Variants in MLLT10 observed in about 807,000 individuals in gnomAD.
MLLT10 encodes protein AF-10.
MLLT10 carries 30 observed loss-of-function variants against 129.1 expected under a neutral mutation model. The observed-to-expected ratio is 0.23, with a 90% CI of 0.17 to 0.32. The LOEUF (loss-of-function observed/expected upper bound fraction) is 0.32. Among genes scored for constraint, MLLT10 ranks in the 10% least tolerant of loss-of-function variants. The pLI, the probability that MLLT10 is intolerant of heterozygous loss-of-function variation, is 1.00. For synonymous variants in MLLT10, 490 were observed against 446.4 expected (o/e 1.10, Z -1.23); for missense variants, 1,119 against 1,268.3 (o/e 0.88, Z 1.79).
chr10:21,697,099 CAA>C (rs1163740638), intron 13 of MLLT10, among the ~76,000 whole-genome samples: 12 of 82,658 alleles, frequency 1.5e-4, no homozygotes, highest in East Asian at 3.9e-4. Context: ...CTGATTTAAG[CAA>C]AAAAAAAAAA....
chr10:21,683,694 C>G (rs1050769607), intron 13 of MLLT10, among the ~76,000 whole-genome samples: 10 of 151,974 alleles, frequency 6.6e-5, no homozygotes, highest in African/African-American at 2.4e-4. Context: ...TTCTCTCCCC[C>G]ACTGCCCCAT....
intron 8 of MLLT10, among the ~76,000 whole-genome samples, chr10:21,618,736 C>T (rs1018969800): frequency 1.3e-5 from 2 of 150,882 alleles, no homozygotes; most frequent in African/African-American, 2.4e-5. Context: ...TGGGTTCAAA[C>T]GATTCTCGTG....
intron 9 of MLLT10, among the ~76,000 whole-genome samples, chr10:21,668,486 T>G (rs2051064815): frequency 6.6e-6 from 1 of 152,164 alleles, no homozygotes; most frequent in South Asian, 2.1e-4. Flanking sequence ...TTAGTGTCAT[T>G]ATGTGTAATT....
rs1290717912 is a variant in MLLT10 at position 21,534,822 on chromosome 10, C to T, written c.160+18C>T. On this transcript the variant is annotated intron_variant, in intron 2 of 22. Transcript: ENST00000307729. ...GCATCAAGGTAAACACCCAACCGCC[C>T]GCCGGGGCGCGCCGGCCTGCGCCCA... 6.4e-7 allele frequency: 1 copy of T among 1,561,304 alleles called. No individual in the cohort carries two copies. Among genetic ancestry groups the T allele is most frequent in the Non-Finnish European group, 8.7e-7 (1 of 1,153,346 alleles).
At chr10:21,614,994 TA>T in intron 7 of MLLT10, 70 bp downstream of exon 7, 12 of 1,292,952 alleles carry the variant, frequency 9.3e-6, no homozygotes, top group South Asian at 1.4e-5. Context: ...ACTGTTTTAT[TA>T]AAAAAAGCAT....
chr10:21,566,795 T>TA (rs1489749236), intron 3 of MLLT10, among the ~76,000 whole-genome samples: 4 of 152,096 alleles, frequency 2.6e-5, no homozygotes, highest in African/African-American at 9.7e-5. Context: ...ATGGTTTGGA[T>TA]ATTTGTTCCA....
At chr10:21,740,977 G>T (rs1234222803) in intron 22 of MLLT10, among the ~76,000 whole-genome samples, 1 of 152,220 alleles carries the variant, frequency 6.6e-6, no homozygotes, top group East Asian at 1.9e-4. Context: ...AAAGGAAGAA[G>T]GGAGGGACTG....
chr10:21,547,161 C>T (rs1028901896), intron 3 of MLLT10, among the ~76,000 whole-genome samples: 1 of 151,988 alleles, frequency 6.6e-6, no homozygotes, highest in Non-Finnish European at 1.5e-5. Flanking sequence ...TGAGCCACCC[C>T]GCCTGACCCC....
chr10:21,615,074 A>T, intron 7 of MLLT10, 150 bp downstream of exon 7: 2 of 606,906 alleles, frequency 3.3e-6, no homozygotes, highest in Non-Finnish European at 5.6e-6. Context: ...TTGGAAGTAA[A>T]TAGATCTGTT....
Position 21,673,536 on chromosome 10 carries a change from G to T in MLLT10, c.1238G>T (p.Ser413Ile), listed in dbSNP as rs757703158. Residue 413 changes from serine (S) to isoleucine (I), a missense_variant, in exon 11 of 23, where the codon AGT (serine) becomes ATT (isoleucine). This residue lies in a region of MLLT10 where 1,004 missense variants were observed against 1,008.7 expected (regional missense o/e 1.00). Transcript: ENST00000307729. ...ESGSQEGGVN[S>I]FSTLIGLPST... Reference sequence around the variant, plus strand: ...GGAAGCCAGGAAGGGGGGGTAAATAGTTTTAGTACCTTAATTGGCCTCCCT... The same window carrying T: ...GGAAGCCAGGAAGGGGGGGTAAATATTTTTAGTACCTTAATTGGCCTCCCT... 1 of 1,613,372 alleles carries T rather than the reference G, an allele frequency of 6.2e-7. No individual in the cohort carries two copies. Among genetic ancestry groups the T allele is most frequent in the Non-Finnish European group, 8.5e-7 (1 of 1,179,780 alleles).
At chr10:21,717,561 T>TTCTTCC (rs1209051989) in intron 14 of MLLT10, among the ~76,000 whole-genome samples, 1 of 125,726 alleles carries the variant, frequency 8.0e-6, no homozygotes, top group Non-Finnish European at 1.6e-5. Flanking sequence ...TTCTTCTTCT[T>TTCTTCC]TCTTCCTCTT....
At chr10:21,717,915 CCTTCTCCTTCTT>C (rs1468099423) in intron 14 of MLLT10, among the ~76,000 whole-genome samples, 6 of 145,334 alleles carry the variant, frequency 4.1e-5, no homozygotes, top group Admixed American at 2.1e-4. Context: ...TCCTCCTTCT[CCTTCTCCTTCTT>C]CTTCTCCTTC....
chr10:21,585,007 T>C (rs1449056027), intron 3 of MLLT10, among the ~76,000 whole-genome samples: 3 of 151,970 alleles, frequency 2.0e-5, no homozygotes, highest in Non-Finnish European at 4.4e-5. Flanking sequence ...AGCCTTGACC[T>C]TCTGGGCTCA....
chr10:21,623,164 G>A (rs1458578885), intron 8 of MLLT10, among the ~76,000 whole-genome samples: 1 of 152,122 alleles, frequency 6.6e-6, no homozygotes, highest in Non-Finnish European at 1.5e-5. Context: ...ATTTTTTCTG[G>A]AGGTTTCCCA....
rs75039426 is a variant in MLLT10 at position 21,654,797 on chromosome 10, A to G, written c.795+3029A>G. Among the ~76,000 whole-genome samples the G allele has an allele frequency of 8.7e-4, 133 of 152,308 alleles. 3 individuals carry two copies. In the East Asian group the frequency reaches 0.023, roughly 27 times the overall value. ...AGGGGGGTTATAATGATGGATCATT[A>G]TATTTAAACCCAGTGGGTAGGGAAA... On this transcript the variant is annotated intron_variant, in intron 9 of 22. Coordinates refer to ENST00000307729, the MANE Select transcript of MLLT10 (RefSeq NM_001195626.3).
At chr10:21,533,999 G>C (rs1425251245), upstream of MLLT10, among the ~76,000 whole-genome samples, 3 of 151,932 alleles carry the variant, frequency 2.0e-5, no homozygotes, top group Non-Finnish European at 2.9e-5. Context: ...TGCAGAGGGC[G>C]GCCCTAACGT....
At chr10:21,693,293 A>G (rs956007862) in intron 13 of MLLT10, among the ~76,000 whole-genome samples, 7 of 152,098 alleles carry the variant, frequency 4.6e-5, no homozygotes, top group African/African-American at 1.4e-4. Flanking sequence ...TTTGCTATGC[A>G]TGTTTAATAT....
intron 9 of MLLT10, among the ~76,000 whole-genome samples, chr10:21,656,767 A>G (rs1333154141): frequency 1.3e-5 from 2 of 152,196 alleles, no homozygotes; most frequent in Non-Finnish European, 2.9e-5. Context: ...TAACGATGGT[A>G]GTGGACCACC....
chr10:21,704,580 T>C (rs1471128997), intron 13 of MLLT10, among the ~76,000 whole-genome samples: 3 of 151,186 alleles, frequency 2.0e-5, no homozygotes, highest in Non-Finnish European at 4.4e-5. Flanking sequence ...TACGGAATTA[T>C]TGTGTGCCCT....
Sources: allele counts gnomAD v4.1 joint callset (sites outside exome capture counted in the v4.1 genomes callset), GRCh38; gene constraint gnomAD v4.1.1; regional missense constraint gnomAD v4.1.1; transcripts MANE v1.5; gene names NCBI Gene and HGNC (gene_info 2026-07-23, HGNC 2026-07-21).